Variants in CA12 observed in about 807,000 individuals in gnomAD.
The protein encoded by CA12 is carbonate dehydratase XII.
CA12 carries 36 observed loss-of-function variants against 46.8 expected under a neutral mutation model. That is an observed-to-expected ratio of 0.77 (90% CI 0.59 to 1.02). CA12 has a LOEUF of 1.02. Among genes scored for constraint, CA12 ranks in the 50% least tolerant of loss-of-function variants. The probability of loss-of-function intolerance (pLI) is 0.00; values close to 1 mark genes in which losing one functional copy is unlikely to be tolerated. For synonymous variants in CA12, 202 were observed against 187.0 expected, an observed-to-expected ratio of 1.08 and a Z score of -0.65; for missense variants, 436 against 451.4, an observed-to-expected ratio of 0.97 and a Z score of 0.31.
intron 2 of CA12, among the ~76,000 whole-genome samples, chr15:63,360,805 G>A (rs1379429637): frequency 2.6e-5 from 4 of 152,104 alleles, no homozygotes; most frequent in East Asian, 1.9e-4. Flanking sequence ...ACCAGCACAC[G>A]TCATCATAGC....
chr15:63,356,579 A>G (rs1301081025), intron 2 of CA12, among the ~76,000 whole-genome samples: 2 of 844 alleles, frequency 2.4e-3, no homozygotes, highest in Non-Finnish European at 5.2e-3. Flanking sequence ...GCTGGAATGC[A>G]GTAGCGTGAT....
rs2039289147 is a variant in CA12, at chr15:63,355,870, C to T, written c.107-9161G>A. Among the ~76,000 whole-genome samples the T allele has an allele frequency of 1.3e-5, 2 of 152,162 alleles. No homozygotes were observed. The highest frequency in any genetic ancestry group is 2.9e-5 in the Non-Finnish European group (2 of 68,028). On this transcript the variant is annotated intron_variant, in intron 2 of 10. Transcript: ENST00000178638. The surrounding 1 kb of genome is among the most constrained non-coding windows in gnomAD (Gnocchi z 4.1). Reference sequence around the variant, plus strand: ...TGTAGCCACCGCCCTCGCAAGACATCCTGCTCTGTCTTTCTTAAACATAAT... The same window carrying T: ...TGTAGCCACCGCCCTCGCAAGACATTCTGCTCTGTCTTTCTTAAACATAAT...
At position 63,325,484 on chromosome 15, in the gene CA12, C is replaced by T. The variant is rs2038853681; in HGVS notation, c.*801G>A. ...TTAATATTGTATTATTCTGTCCTTACATTATGGCTTGATAAACAGAATGTG... is the reference window on the plus strand; with the variant it reads ...TTAATATTGTATTATTCTGTCCTTATATTATGGCTTGATAAACAGAATGTG... On this transcript the variant is annotated 3_prime_UTR_variant, in exon 11 of 11. Coordinates refer to ENST00000178638, the MANE Select transcript of CA12 (RefSeq NM_001218.5). The surrounding 1 kb of genome is among the most constrained non-coding windows in gnomAD (Gnocchi z 4.9). The T allele has an allele frequency of 6.6e-6, 1 of 152,558 alleles. No individual in the cohort carries two copies. Among genetic ancestry groups the T allele is most frequent in the African/African-American group, 2.4e-5 (1 of 41,440 alleles). 9.5% of individuals were successfully genotyped at this position (152,558 alleles called of 1,614,324 possible).
intron 10 of CA12, 85 bp from the exon 11 acceptor site, chr15:63,326,442 C>A: frequency 9.0e-7 from 1 of 1,108,984 alleles, no homozygotes; most frequent in South Asian, 1.2e-5. Flanking sequence ...GGAATGAGGC[C>A]GTTTTTAAAA....
At chr15:63,364,398 A>T (rs916014731) in intron 2 of CA12, among the ~76,000 whole-genome samples, 6 of 147,008 alleles carry the variant, frequency 4.1e-5, no homozygotes, top group African/African-American at 1.5e-4. Flanking sequence ...TCTCTTTAAG[A>T]TTTCACCTAA....
chr15:63,327,996 G>T lies in CA12; in HGVS notation c.907+102C>A. The stretch of plus-strand genomic sequence containing the variant: ...ATAGCAAGGAGAGGGCCAGGAGCCA[G>T]AGCAATAGTACAGAGAAGCAGAGAG... On this transcript the variant is annotated intron_variant, in intron 9 of 10. Transcript: ENST00000178638. The surrounding 1 kb of genome is among the most constrained non-coding windows in gnomAD (Gnocchi z 4.5). 8.8e-7 allele frequency: 1 copy of T among 1,130,446 alleles called. No homozygotes were observed. The allele number at this position is 1,130,446 out of a possible 1,614,324, so 70.0% of individuals were successfully genotyped here. A position where few individuals can be genotyped will look rare whatever the true frequency, so the allele number is the denominator to read the frequency against.
chr15:63,380,988 T>C (rs933825175), intron 1 of CA12, among the ~76,000 whole-genome samples: 8 of 151,906 alleles, frequency 5.3e-5, no homozygotes, highest in African/African-American at 1.9e-4. Flanking sequence ...GGATTTAGTG[T>C]TCTAATTACA....
rs2038910209 is a variant in CA12, at chr15:63,329,602, A to T, written c.875-1472T>A. Among the ~76,000 whole-genome samples the T allele has an allele frequency of 6.6e-6, 1 of 152,156 alleles. No homozygotes were observed. The highest frequency in any genetic ancestry group is 1.5e-5 in the Non-Finnish European group (1 of 68,026). ...GCATGTGTGTGTGTCTTGGAGGAAGAAGGGGTATTTGTTCTAACTCACACT... is the reference window on the plus strand; with the variant it reads ...GCATGTGTGTGTGTCTTGGAGGAAGTAGGGGTATTTGTTCTAACTCACACT... On this transcript the variant is annotated intron_variant, in intron 8 of 10. Transcript: ENST00000178638. The surrounding 1 kb of genome is among the most constrained non-coding windows in gnomAD (Gnocchi z 4.8).
intron 1 of CA12, among the ~76,000 whole-genome samples, chr15:63,380,776 G>A (rs777790780): frequency 6.6e-6 from 1 of 152,094 alleles, no homozygotes; most frequent in Non-Finnish European, 1.5e-5. Flanking sequence ...CCACTGCCTC[G>A]CCAGGAAGAA....
chr15:63,364,141 C>T (rs1237762803), intron 2 of CA12, among the ~76,000 whole-genome samples: 1 of 151,466 alleles, frequency 6.6e-6, no homozygotes, highest in Non-Finnish European at 1.5e-5. Context: ...GAGCAGAGAT[C>T]GTGCCAGCCT....
Position 63,328,019 on chromosome 15 carries a change from G to A in CA12, c.907+79C>T. ...CAGAGCAATAGTACAGAGAAGCAGA[G>A]AGGACGGGCTTGGATCACACCAAGA... On this transcript the variant is annotated intron_variant, in intron 9 of 10. Coordinates refer to ENST00000178638, the MANE Select transcript of CA12 (RefSeq NM_001218.5). This position sits in a 1 kb window ranked among gnomAD's most constrained non-coding sequence, Gnocchi z 5.9. 1 of 1,348,394 alleles carries A rather than the reference G, an allele frequency of 7.4e-7. No homozygotes were observed. 83.5% of individuals were successfully genotyped at this position (1,348,394 alleles called of 1,614,324 possible). A position where few individuals can be genotyped will look rare whatever the true frequency, so the allele number is the denominator to read the frequency against.
rs559385732 is a variant in CA12, at chr15:63,334,623, G to C, written c.874+4196C>G. Among the ~76,000 whole-genome samples the C allele has an allele frequency of 5.3e-5, 8 of 152,180 alleles. No individual in the cohort carries two copies. The South Asian group carries it at 1.7e-3, about 32-fold the overall frequency. On this transcript the variant is annotated intron_variant, in intron 8 of 10. Coordinates refer to ENST00000178638, the MANE Select transcript of CA12 (RefSeq NM_001218.5). ...GACTTTCACTTTTCCATAAAGAGTG[G>C]ACGTTTTAACTAAAGGCAACAAGAA...
rs8040632 is a variant in CA12 at position 63,339,625 on chromosome 15, C to G, written c.747+663G>C. ...GGCTGCCCTGGACGCATGAAGCTGGCGTGGGGCTGTGAGCCAGGGTGTAGT... is the reference window on the plus strand; with the variant it reads ...GGCTGCCCTGGACGCATGAAGCTGGGGTGGGGCTGTGAGCCAGGGTGTAGT... On this transcript the variant is annotated intron_variant, in intron 7 of 10. Transcript: ENST00000178638. The surrounding 1 kb of genome is among the most constrained non-coding windows in gnomAD (Gnocchi z 4.3). Among the ~76,000 whole-genome samples, 20,171 of 152,176 alleles carry G rather than the reference C, an allele frequency of 0.13. 1,938 individuals carry two copies. Among genetic ancestry groups the G allele is most frequent in the African/African-American group, 0.28 (11,478 of 41,494 alleles).
chr15:63,367,156 A>C (rs956233140), intron 2 of CA12, among the ~76,000 whole-genome samples: 8 of 152,098 alleles, frequency 5.3e-5, no homozygotes, highest in Non-Finnish European at 8.8e-5. Context: ...CCTGACCTCA[A>C]GTGATCCACC....
chr15:63,337,014 G>A (rs2039012818), intron 8 of CA12, among the ~76,000 whole-genome samples: 1 of 152,212 alleles, frequency 6.6e-6, no homozygotes, highest in Non-Finnish European at 1.5e-5. Flanking sequence ...TTAGAAGAAT[G>A]AGAAAAGACA....
chr15:63,380,034 T>C (rs1420532085), intron 1 of CA12, among the ~76,000 whole-genome samples: 2 of 152,226 alleles, frequency 1.3e-5, no homozygotes, highest in Non-Finnish European at 2.9e-5. Flanking sequence ...CCTCTCCACC[T>C]CCAACTTTGG....
In CA12 at chr15:63,327,430, C is replaced by T. The variant is rs1380749782; in HGVS notation, c.908-197G>A. Among the ~76,000 whole-genome samples, 2 of 151,600 alleles carry T rather than the reference C, an allele frequency of 1.3e-5. No homozygotes were observed. The highest frequency in any genetic ancestry group is 2.4e-5 in the African/African-American group (1 of 41,216). On this transcript the variant is annotated intron_variant, in intron 9 of 10. Coordinates refer to ENST00000178638, the MANE Select transcript of CA12 (RefSeq NM_001218.5). The surrounding 1 kb of genome is among the most constrained non-coding windows in gnomAD (Gnocchi z 4.5). ...ATTTTGAGGTGGCCGTTTGCAAATT[C>T]TAGTGGTTTTCCAGCAGATGCTCTC...
rs1249793234 is a variant in CA12, at chr15:63,339,572, A to C, written c.748-627T>G. On this transcript the variant is annotated intron_variant, in intron 7 of 10. Coordinates refer to ENST00000178638, the MANE Select transcript of CA12 (RefSeq NM_001218.5). This position sits in a 1 kb window ranked among gnomAD's most constrained non-coding sequence, Gnocchi z 4.3. The stretch of plus-strand genomic sequence containing the variant: ...CATTTACCAGGTGACTCAGAGCAGA[A>C]GCTTACTGTAAAGAGGAGCAGCTGT... 6.6e-6 allele frequency among the ~76,000 whole-genome samples: 1 copy of C among 152,220 alleles called. No individual in the cohort carries two copies. Among genetic ancestry groups the C allele is most frequent in the East Asian group, 1.9e-4 (1 of 5,190 alleles).
rs1045790361 is a variant in CA12 at position 63,331,687 on chromosome 15, G to A, written c.875-3557C>T. The A allele has an allele frequency of 2.0e-5, 3 of 152,226 alleles. No homozygotes were observed. 9.4% of individuals were successfully genotyped at this position (152,226 alleles called of 1,614,324 possible). A position where few individuals can be genotyped will look rare whatever the true frequency, so the allele number is the denominator to read the frequency against. On this transcript the variant is annotated intron_variant, in intron 8 of 10. Coordinates refer to ENST00000178638, the MANE Select transcript of CA12 (RefSeq NM_001218.5). The surrounding 1 kb of genome is among the most constrained non-coding windows in gnomAD (Gnocchi z 5.3). Reference sequence around the variant, plus strand: ...CCACACAGATATAGAAGAACTCGATGGTCACACACCTTGCCCAGGAAGGTA... The same window carrying A: ...CCACACAGATATAGAAGAACTCGATAGTCACACACCTTGCCCAGGAAGGTA...
Sources: gnomAD v4.1 joint callset for allele counts (sites outside exome capture counted in the v4.1 genomes callset) on GRCh38, gnomAD v4.1.1 for gene constraint, Gnocchi (gnomAD v3.1) non-coding constraint, MANE v1.5 for transcripts, NCBI Gene and HGNC (gene_info 2026-07-23, HGNC 2026-07-21) for gene names.